The following LARGE1 variants were observed in gnomAD, a reference collection of about 807,000 sequenced individuals.
The protein encoded by LARGE1 is xylosyl- and glucuronyltransferase LARGE1.
Under a neutral mutation model 87.6 loss-of-function variants are expected in LARGE1, and 43 were observed. The ratio of observed to expected loss-of-function variants is 0.49; its 90% confidence interval spans 0.38 to 0.63. The LOEUF (loss-of-function observed/expected upper bound fraction) is 0.63. LARGE1 is among the 30% of genes least tolerant of loss of function. The pLI, the probability that LARGE1 is intolerant of heterozygous loss-of-function variation, is 0.00. For synonymous variants in LARGE1, 434 were observed against 394.6 expected (o/e 1.10, Z -1.18); for missense variants, 802 against 1,000.2 (o/e 0.80, Z 2.67).
intron 5 of LARGE1, among the ~76,000 whole-genome samples, chr22:33,589,735 C>T (rs1211947957): frequency 6.6e-6 from 1 of 152,116 alleles, no homozygotes; most frequent in Non-Finnish European, 1.5e-5. Flanking sequence ...ACAGCTTTGG[C>T]CACATTCCAT....
chr22:33,866,454 G>A (rs1383963786), intron 1 of LARGE1, among the ~76,000 whole-genome samples: 4 of 152,204 alleles, frequency 2.6e-5, no homozygotes, highest in Non-Finnish European at 5.9e-5. Flanking sequence ...TGGTGCAGAT[G>A]GAGAGCAGTT....
chr22:33,673,219 G>C (rs542131328), intron 2 of LARGE1, among the ~76,000 whole-genome samples: 2 of 152,310 alleles, frequency 1.3e-5, no homozygotes, highest in South Asian at 4.1e-4. Flanking sequence ...AGGTTGCAGG[G>C]AGCAGAGATC....
At chr22:33,371,153 G>A (rs1601613328) in intron 9 of LARGE1, among the ~76,000 whole-genome samples, 1 of 150,840 alleles carries the variant, frequency 6.6e-6, no homozygotes, top group Non-Finnish European at 1.5e-5. Flanking sequence ...AGTAAAATGT[G>A]GAATAGTTGG....
chr22:33,859,922 G>A (rs62227813), intron 1 of LARGE1, among the ~76,000 whole-genome samples: 22,380 of 152,056 alleles, frequency 0.15, 1,766 homozygotes, highest in South Asian at 0.3. Flanking sequence ...AGTACCTGGA[G>A]GACTCAAACC....
At chr22:33,264,688 G>T (rs79802916) in intron 11 of LARGE1, among the ~76,000 whole-genome samples, 4,458 of 151,818 alleles carry the variant, frequency 0.029, 214 homozygotes, top group African/African-American at 0.1. Context: ...CAAAAACTTA[G>T]TTTTGCCTTT....
At chr22:33,594,024 T>C (rs967302203) in intron 5 of LARGE1, among the ~76,000 whole-genome samples, 2 of 152,222 alleles carry the variant, frequency 1.3e-5, no homozygotes, top group African/African-American at 4.8e-5. Flanking sequence ...AAGAAGATTA[T>C]GCAAGTTAAG....
At chr22:33,263,673 GT>G (rs1300435543) in intron 11 of LARGE1, among the ~76,000 whole-genome samples, 5 of 152,244 alleles carry the variant, frequency 3.3e-5, no homozygotes, top group African/African-American at 1.2e-4. Flanking sequence ...GCCATAACTG[GT>G]ACCTGGACTC....
rs2078863312 is a variant in LARGE1, at chr22:33,592,272, AT to A, written c.615+12162del. Reference sequence around the variant, plus strand: ...TGGAATGAAGTGAGGAGCAAGATTAATTTTTTCCCATGTGGCTATCTAATAG... The same window carrying A: ...TGGAATGAAGTGAGGAGCAAGATTAATTTTTCCCATGTGGCTATCTAATAG... On this transcript the variant is annotated intron_variant, in intron 5 of 14. Coordinates refer to ENST00000397394, the MANE Select transcript of LARGE1 (RefSeq NM_133642.5). Among the ~76,000 whole-genome samples, 11 of 151,808 alleles carry A rather than the reference AT, an allele frequency of 7.2e-5. No homozygotes were observed. The South Asian group carries it at 2.1e-3, about 29-fold the overall frequency.
At chr22:33,459,055 T>C (rs1345363656) in intron 6 of LARGE1, among the ~76,000 whole-genome samples, 6 of 152,010 alleles carry the variant, frequency 3.9e-5, no homozygotes, top group African/African-American at 2.4e-5. Flanking sequence ...GTGCAGAACA[T>C]GCAGGTTTGT....
chr22:33,300,830 G>A (rs917065807), intron 12 of LARGE1, among the ~76,000 whole-genome samples: 4 of 152,084 alleles, frequency 2.6e-5, no homozygotes, highest in Non-Finnish European at 5.9e-5. Flanking sequence ...GTGAGCCACC[G>A]CGCCTGGCCA....
intron 11 of LARGE1, among the ~76,000 whole-genome samples, chr22:33,314,009 C>T (rs924143921): frequency 1.3e-5 from 2 of 152,208 alleles, no homozygotes; most frequent in Non-Finnish European, 2.9e-5. Context: ...GGTCTTTTAA[C>T]ACATATTCCC....
At chr22:33,092,915 A>C in the LARGE1 span, among the ~76,000 whole-genome samples, 1 of 152,152 alleles carries the variant, frequency 6.6e-6, no homozygotes, top group African/African-American at 2.4e-5. Context: ...GCTATTGTGA[A>C]TAGTGCTGCA....
At chr22:33,404,094 T>A (rs2066014391) in intron 7 of LARGE1, among the ~76,000 whole-genome samples, 1 of 152,206 alleles carries the variant, frequency 6.6e-6, no homozygotes, top group Non-Finnish European at 1.5e-5. Flanking sequence ...AAACATATAG[T>A]CTATTGTATG....
intron 2 of LARGE1, among the ~76,000 whole-genome samples, chr22:33,680,530 AC>A (rs1281301563): frequency 6.6e-6 from 1 of 152,112 alleles, no homozygotes; most frequent in Non-Finnish European, 1.5e-5. Flanking sequence ...TACAATAACT[AC>A]CGGCTGAGAG....
Position 33,793,611 on chromosome 22 carries a change from T to C in LARGE1, c.-82-32053A>G, listed in dbSNP as rs576919521. On this transcript the variant is annotated intron_variant, in intron 1 of 14. Coordinates refer to ENST00000397394, the MANE Select transcript of LARGE1 (RefSeq NM_133642.5). ...TCTTTTCTCAGGAGAACAGCTTTTA[T>C]TCCAGAATACGGATAGCTACTGTCA... Among the ~76,000 whole-genome samples, 75 of 152,350 alleles carry C rather than the reference T, an allele frequency of 4.9e-4. 2 individuals are homozygous for C. In the South Asian group the frequency reaches 0.015, roughly 31 times the overall value.
chr22:33,619,821 C>T (rs193175770), intron 4 of LARGE1, among the ~76,000 whole-genome samples: 3 of 152,184 alleles, frequency 2.0e-5, no homozygotes, highest in Non-Finnish European at 2.9e-5. Flanking sequence ...TGGAACAGAC[C>T]CTGATACAGA....
In LARGE1 at chr22:33,878,746, T is replaced by A. The variant is rs373474215; in HGVS notation, c.-83+41249A>T. 3.3e-5 allele frequency among the ~76,000 whole-genome samples: 5 copies of A among 152,130 alleles called. No individual in the cohort carries two copies. In the East Asian group the frequency reaches 7.7e-4, roughly 24 times the overall value. ...GAATCTAATCCTTAAAAGAGAGGCT[T>A]CTCCAGGCCATCACCCCAGGAAAGA... On this transcript the variant is annotated intron_variant, in intron 1 of 14. Transcript: ENST00000397394.
intron 1 of LARGE1, among the ~76,000 whole-genome samples, chr22:33,785,455 T>C (rs2085612052): frequency 6.6e-6 from 1 of 152,112 alleles, no homozygotes; most frequent in South Asian, 2.1e-4. Flanking sequence ...GCACTCTTTC[T>C]AATACCCTAA....
At chr22:33,759,354 A>G (rs1335943019) in intron 2 of LARGE1, among the ~76,000 whole-genome samples, 2 of 152,146 alleles carry the variant, frequency 1.3e-5, no homozygotes, top group Non-Finnish European at 2.9e-5. Context: ...TGAGGCCCCA[A>G]TCTATAGCAT....
Sources: gnomAD v4.1 joint callset for allele counts (sites outside exome capture counted in the v4.1 genomes callset) on GRCh38, gnomAD v4.1.1 for gene constraint, MANE v1.5 for transcripts, NCBI Gene and HGNC (gene_info 2026-07-23, HGNC 2026-07-21) for gene names.